The following XRN1 variants were observed in gnomAD, a reference collection of about 807,000 sequenced individuals.
XRN1 encodes the protein strand-exchange protein 1 homolog.
A neutral mutation model predicts 222.3 loss-of-function variants in XRN1; 67 were observed. The ratio of observed to expected loss-of-function variants is 0.30; its 90% CI spans 0.25 to 0.37. The LOEUF (loss-of-function observed/expected upper bound fraction) is 0.37, where lower values mean the gene tolerates loss of function less well. Among genes scored for constraint, XRN1 ranks in the 10% least tolerant of loss-of-function variants. The probability of loss-of-function intolerance (pLI) is 1.00; values close to 1 mark genes in which losing one functional copy is unlikely to be tolerated. For synonymous variants in XRN1, 643 were observed against 652.4 expected (o/e 0.99, Z 0.22); for missense variants, 1,707 against 2,000.2 (o/e 0.85, Z 2.80).
chr3:142,339,467 A>G (rs1367624383), intron 33 of XRN1, among the ~76,000 whole-genome samples: 1 of 152,200 alleles, frequency 6.6e-6, no homozygotes, highest in Non-Finnish European at 1.5e-5. Context: ...TGCTACAAAC[A>G]AGCCCAGACT....
chr3:142,328,706 TATATATATATATATATATATATATA>T (rs2065595253), intron 37 of XRN1, among the ~76,000 whole-genome samples: 1 of 1,764 alleles, frequency 5.7e-4, no homozygotes, highest in Non-Finnish European at 4.5e-3. Context: ...TGTAATATTA[TATATATATATATATATATATATATA>T]TATATATATA....
At chr3:142,430,807 G>C (rs964690659) in intron 2 of XRN1, among the ~76,000 whole-genome samples, 2 of 152,146 alleles carry the variant, frequency 1.3e-5, no homozygotes, top group African/African-American at 4.8e-5. Context: ...CATGAACCGG[G>C]ACACAGCCTG....
At chr3:142,375,172 C>T (rs2067104595) in intron 25 of XRN1, among the ~76,000 whole-genome samples, 2 of 152,322 alleles carry the variant, frequency 1.3e-5, no homozygotes, top group South Asian at 2.1e-4. Context: ...TTAAGCCACC[C>T]AGTTCGTGGT....
intron 39 of XRN1, 33 bp from the exon 40 acceptor site, chr3:142,312,791 T>A (rs1322500129): frequency 6.3e-7 from 1 of 1,575,564 alleles, no homozygotes; most frequent in Non-Finnish European, 8.6e-7. Context: ...TTTCTTTTAG[T>A]AAAATGGTAT....
chr3:142,394,560 C>A (rs894243051), intron 20 of XRN1, among the ~76,000 whole-genome samples: 2 of 152,184 alleles, frequency 1.3e-5, no homozygotes, highest in African/African-American at 4.8e-5. Flanking sequence ...ATCTGCTTTA[C>A]AAGGAAAATA....
At chr3:142,323,311 G>C (rs1287809724) in intron 37 of XRN1, among the ~76,000 whole-genome samples, 1 of 145,168 alleles carries the variant, frequency 6.9e-6, no homozygotes, top group Non-Finnish European at 1.5e-5. Context: ...TTTTTTAAAT[G>C]GAGTTTTGCT....
chr3:142,369,654 T>TAAA (rs761560470), intron 27 of XRN1, among the ~76,000 whole-genome samples: 1 of 120,384 alleles, frequency 8.3e-6, no homozygotes, highest in Non-Finnish European at 1.8e-5. Context: ...TCTCCAAAAT[T>TAAA]AAAAAAAAAA....
At chr3:142,368,116 A>G (rs1376699116) in intron 27 of XRN1, among the ~76,000 whole-genome samples, 1 of 150,764 alleles carries the variant, frequency 6.6e-6, no homozygotes, top group Non-Finnish European at 1.5e-5. Flanking sequence ...ATGTATTTAT[A>G]TAAACATTTA....
intron 32 of XRN1, among the ~76,000 whole-genome samples, chr3:142,351,560 G>A (rs2066307131): frequency 1.3e-5 from 2 of 152,052 alleles, no homozygotes; most frequent in South Asian, 4.2e-4. Context: ...ATTTTTTCAA[G>A]TTTTGTTCTA....
chr3:142,381,015 CA>C (rs10709053), intron 22 of XRN1, among the ~76,000 whole-genome samples: 127,140 of 140,038 alleles, frequency 0.91, 57,960 homozygotes, highest in Non-Finnish European at 0.98. Flanking sequence ...CAAAAAGTTG[CA>C]AAAAAAAAAA....
At chr3:142,397,289 T>C in intron 20 of XRN1, 40 bp downstream of exon 20, 1 of 1,520,376 alleles carries the variant, frequency 6.6e-7, no homozygotes, top group Non-Finnish European at 8.8e-7. Flanking sequence ...TTAAAACGGA[T>C]TTTAGTTCCA....
chr3:142,384,530 A>G lies in XRN1; in HGVS notation c.2495T>C (p.Ile832Thr), dbSNP rs1354551096. Residue 832 changes from isoleucine to threonine, a missense_variant, in exon 21 of 41, where the codon ATT becomes ACT. By Grantham distance (89) the Ile-to-Thr change is moderately conservative. Coordinates refer to ENST00000392981, the MANE Select transcript of XRN1 (RefSeq NM_001282857.2). ...KQVVPFVYQTIVKDIRAFDSR... is the reference protein window; with the variant it reads ...KQVVPFVYQTTVKDIRAFDSR... ...AACTTGATATAGACTTACCTTGACA[A>G]TAGTTTGATAAACAAAAGGAACAAC... 6.2e-7 allele frequency: 1 copy of G among 1,610,766 alleles called. No individual in the cohort carries two copies. Among genetic ancestry groups the G allele is most frequent in the Non-Finnish European group, 8.5e-7 (1 of 1,178,938 alleles).
At chr3:142,400,415 A>G in intron 19 of XRN1, 29 bp downstream of exon 19, 1 of 1,542,342 alleles carries the variant, frequency 6.5e-7, no homozygotes, top group Non-Finnish European at 8.8e-7. Context: ...AATATATGTT[A>G]GAAAAATTAT....
At chr3:142,411,159 T>C (rs572266325) in intron 15 of XRN1, among the ~76,000 whole-genome samples, 3 of 152,342 alleles carry the variant, frequency 2.0e-5, no homozygotes, top group South Asian at 4.1e-4. Flanking sequence ...AACCTTTTAC[T>C]ATATGAAGGA....
At chr3:142,344,333 T>C (rs1211371194) in intron 33 of XRN1, among the ~76,000 whole-genome samples, 1 of 152,156 alleles carries the variant, frequency 6.6e-6, no homozygotes, top group African/African-American at 2.4e-5. Flanking sequence ...AAATATCTCA[T>C]GTAACCCATA....
chr3:142,367,545 T>C (rs1252671318), intron 27 of XRN1, among the ~76,000 whole-genome samples: 1 of 148,982 alleles, frequency 6.7e-6, no homozygotes, highest in Non-Finnish European at 1.5e-5. Context: ...AAACTGACTC[T>C]TTTTTTTTTA....
intron 22 of XRN1, among the ~76,000 whole-genome samples, chr3:142,382,906 A>G (rs368647548): frequency 6.6e-6 from 1 of 152,122 alleles, no homozygotes; most frequent in East Asian, 1.9e-4. Context: ...CTCTCCTTCC[A>G]TATTTGCATG....
chr3:142,369,373 A>G (rs915971085), intron 27 of XRN1, among the ~76,000 whole-genome samples: 1 of 152,128 alleles, frequency 6.6e-6, no homozygotes, highest in Non-Finnish European at 1.5e-5. Context: ...TAGGCCAGGC[A>G]CGGTGGCTCA....
intron 33 of XRN1, among the ~76,000 whole-genome samples, chr3:142,346,113 C>T (rs1357872267): frequency 6.6e-6 from 1 of 152,126 alleles, no homozygotes; most frequent in African/African-American, 2.4e-5. Context: ...TCACTATAGC[C>T]CCAATGTGGA....
Sources: allele counts gnomAD v4.1 joint callset (sites outside exome capture counted in the v4.1 genomes callset), GRCh38; gene constraint gnomAD v4.1.1; transcripts MANE v1.5; gene names NCBI Gene and HGNC (gene_info 2026-07-23, HGNC 2026-07-21).